SVIL: variants seen among roughly 807,000 people sequenced by gnomAD.
The protein encoded by SVIL is archvillin.
In SVIL, 101 loss-of-function variants were observed where a neutral mutation model predicts 240.4. That is an observed-to-expected ratio of 0.42 (90% CI 0.36 to 0.50). The LOEUF is 0.50. Ranked by LOEUF, SVIL falls within the 20% of genes least tolerant of loss-of-function variation. The pLI is 0.01. For synonymous variants in SVIL, 999 were observed against 1,100.0 expected (o/e 0.91, Z 1.82); for missense variants, 2,512 against 2,818.7 (o/e 0.89, Z 2.46).
chr10:29,490,573 A>C lies in SVIL; in HGVS notation c.4192+274T>G, dbSNP rs1323352771. ...AGATGAGCCTGGGCAATATGATGAA[A>C]CCCCCAGTCTTTAAAAAAAAAAAAA... On this transcript the variant is annotated intron_variant, in intron 22 of 37. Transcript: ENST00000355867. Among the ~76,000 whole-genome samples the C allele has an allele frequency of 2.2e-4, 29 of 130,640 alleles. No homozygotes were observed. In the South Asian group the frequency reaches 6.9e-3, roughly 31 times the overall value. 85.7% of individuals were successfully genotyped at this position (130,640 alleles called of 152,430 possible). A position where few individuals can be genotyped will look rare whatever the true frequency, so the allele number is the denominator to read the frequency against.
intron 6 of SVIL, among the ~76,000 whole-genome samples, chr10:29,548,655 T>C (rs1270332187): frequency 6.6e-6 from 1 of 152,276 alleles, no homozygotes; most frequent in East Asian, 1.9e-4. Flanking sequence ...GTGATATACT[T>C]ACAGAACTAG....
chr10:29,703,703 C>T (rs551220417), intron 1 of SVIL, among the ~76,000 whole-genome samples: 12 of 152,346 alleles, frequency 7.9e-5, no homozygotes, highest in African/African-American at 2.6e-4. Flanking sequence ...GGGTGTTTCT[C>T]ATCCCAAATG....
At chr10:29,617,108 C>T (rs1346412059) in intron 1 of SVIL, among the ~76,000 whole-genome samples, 1 of 152,100 alleles carries the variant, frequency 6.6e-6, no homozygotes, top group Admixed American at 6.6e-5. Context: ...CCTAGTTTCC[C>T]CCGTGTATTT....
At chr10:29,607,801 C>A (rs1957080726) in intron 1 of SVIL, among the ~76,000 whole-genome samples, 1 of 152,186 alleles carries the variant, frequency 6.6e-6, no homozygotes, top group African/African-American at 2.4e-5. Context: ...CTCAAGGCTT[C>A]CCATCCTGAC....
At chr10:29,617,813 C>G (rs1957484972) in intron 1 of SVIL, among the ~76,000 whole-genome samples, 2 of 152,126 alleles carry the variant, frequency 1.3e-5, no homozygotes, top group Non-Finnish European at 2.9e-5. Flanking sequence ...GTGTGGCTCT[C>G]TATGGAACAA....
intron 3 of SVIL, among the ~76,000 whole-genome samples, chr10:29,560,305 T>C: frequency 6.6e-6 from 1 of 152,254 alleles, no homozygotes; most frequent in East Asian, 1.9e-4. Flanking sequence ...TAAAACTGGC[T>C]GTGCCGATGG....
chr10:29,713,581 TG>T (rs1331920392), intron 1 of SVIL, among the ~76,000 whole-genome samples: 1 of 152,154 alleles, frequency 6.6e-6, no homozygotes, highest in African/African-American at 2.4e-5. Context: ...TTTGGCAGTA[TG>T]GGCCATACAG....
chr10:29,510,122 G>A (rs1443832161), intron 17 of SVIL, among the ~76,000 whole-genome samples: 2 of 152,158 alleles, frequency 1.3e-5, no homozygotes, highest in East Asian at 1.9e-4. Context: ...TAAAACTCCT[G>A]GGCTCAAGTA....
chr10:29,473,771 G>T lies in SVIL; in HGVS notation c.5529+67C>A. On this transcript the variant is annotated intron_variant, in intron 30 of 37. Transcript: ENST00000355867. ...ATCATGTTGGGAGGGACCAGGCCGA[G>T]TGCCATCGGCTCCCAGGAGAGGATG... 3 of 1,603,324 alleles carry T rather than the reference G, an allele frequency of 1.9e-6. No individual in the cohort carries two copies. The South Asian group carries it at 3.3e-5, about 18-fold the overall frequency.
intron 2 of SVIL, among the ~76,000 whole-genome samples, chr10:29,682,029 T>A (rs1196854423): frequency 1.3e-5 from 2 of 152,094 alleles, no homozygotes; most frequent in Non-Finnish European, 2.9e-5. Context: ...CCTCAGCCCA[T>A]CAGAGAGTTT....
intron 2 of SVIL, among the ~76,000 whole-genome samples, chr10:29,666,522 G>A (rs747770990): frequency 3.3e-5 from 5 of 152,292 alleles, no homozygotes; most frequent in Non-Finnish European, 1.5e-5. Context: ...CCACTGCCTC[G>A]TACAGACGAC....
chr10:29,544,882 G>T, intron 6 of SVIL: 1 of 398,854 alleles, frequency 2.5e-6, no homozygotes, highest in East Asian at 6.5e-5. Context: ...AGTATGGCAG[G>T]GAGCACAGGT....
At chr10:29,601,507 C>T (rs12777056) in intron 1 of SVIL, among the ~76,000 whole-genome samples, 30,244 of 152,176 alleles carry the variant, frequency 0.2, 3,904 homozygotes, top group Non-Finnish European at 0.27. Flanking sequence ...AAGCCTGAGG[C>T]ACAATTTGCA....
intron 6 of SVIL, among the ~76,000 whole-genome samples, chr10:29,549,793 A>G (rs1430444147): frequency 1.4e-5 from 2 of 139,224 alleles, no homozygotes; most frequent in African/African-American, 2.7e-5. Flanking sequence ...AACACCGCAT[A>G]TTCTCACTCA....
intron 1 of SVIL, among the ~76,000 whole-genome samples, chr10:29,730,041 G>T (rs935005430): frequency 2.6e-5 from 4 of 151,452 alleles, no homozygotes; most frequent in Non-Finnish European, 1.5e-5. Flanking sequence ...AGCTGGGCGT[G>T]GTGGTGCACA....
chr10:29,493,917 A>G (rs1456709077), intron 20 of SVIL, among the ~76,000 whole-genome samples: 1 of 152,196 alleles, frequency 6.6e-6, no homozygotes, highest in East Asian at 1.9e-4. Flanking sequence ...GCTTACGCTT[A>G]TAATCCCAGC....
At chr10:29,477,645 C>T (rs191471504) in intron 29 of SVIL, among the ~76,000 whole-genome samples, 25 of 152,336 alleles carry the variant, frequency 1.6e-4, no homozygotes, top group East Asian at 5.8e-4. Flanking sequence ...AGAGCTTCCG[C>T]GTTGGTTACG....
chr10:29,597,464 G>C (rs533134307), intron 1 of SVIL, among the ~76,000 whole-genome samples: 1 of 152,178 alleles, frequency 6.6e-6, no homozygotes, highest in East Asian at 1.9e-4. Context: ...CTGTTGCACA[G>C]GCTGGAGAGC....
chr10:29,554,744 C>T (rs371927595), intron 5 of SVIL, 39 bp downstream of exon 5: 2 of 1,492,694 alleles, frequency 1.3e-6, no homozygotes, highest in African/African-American at 1.4e-5. Context: ...ACCAGCCAGG[C>T]AGCCTGCTGG....
Sources: allele counts gnomAD v4.1 joint callset (sites outside exome capture counted in the v4.1 genomes callset), GRCh38; gene constraint gnomAD v4.1.1; transcripts MANE v1.5; gene names NCBI Gene and HGNC (gene_info 2026-07-23, HGNC 2026-07-21).